The following RNF13 variants were observed in gnomAD, a reference collection of about 807,000 sequenced individuals.
RNF13 encodes ring finger protein 13, also known as E3 ubiquitin-protein ligase RNF13.
A neutral mutation model predicts 37.7 loss-of-function variants in RNF13; 19 were observed. The ratio of observed to expected loss-of-function variants is 0.50; its 90% CI spans 0.35 to 0.74. The LOEUF (loss-of-function observed/expected upper bound fraction) is 0.74. RNF13 is among the 30% of genes least tolerant of loss of function. The probability of loss-of-function intolerance (pLI) is 0.01; values close to 1 mark genes in which losing one functional copy is unlikely to be tolerated. For synonymous variants in RNF13, 144 were observed against 157.8 expected (o/e 0.91, Z 0.65); for missense variants, 375 against 453.0 (o/e 0.83, Z 1.56).
At chr3:149,939,865 C>G in intron 8 of RNF13, 1 of 451,992 alleles carries the variant, frequency 2.2e-6, no homozygotes, top group South Asian at 1.9e-5. Flanking sequence ...CTCCAGAGAA[C>G]AGCCGCGCAG....
chr3:149,960,566 T>G (rs995885712), intron 9 of RNF13, among the ~76,000 whole-genome samples, 174 bp from the exon 10 acceptor site: 1 of 151,900 alleles, frequency 6.6e-6, no homozygotes, highest in African/African-American at 2.4e-5. Context: ...CACTCCAGCC[T>G]GGGTGACAGA....
At position 149,846,110 on chromosome 3, in the gene RNF13, C is replaced by CCTA; in HGVS notation, c.87_89dup (p.Leu30dup). 6.2e-7 allele frequency: 1 copy of CCTA among 1,612,700 alleles called. No individual in the cohort carries two copies. Among genetic ancestry groups the CCTA allele is most frequent in the Non-Finnish European group, 8.5e-7 (1 of 1,179,058 alleles). ...CTGTCCAGCTCTTTGCATTCTTAAA[C>CCTA]CTACTGCCTGTAGAAGCAGACATTT... On this transcript the variant is annotated inframe_insertion, in exon 2 of 10. Coordinates refer to ENST00000392894, the MANE Select transcript of RNF13 (RefSeq NM_183381.3).
At chr3:149,854,528 GT>G (rs1218809895) in intron 3 of RNF13, among the ~76,000 whole-genome samples, 1 of 152,168 alleles carries the variant, frequency 6.6e-6, no homozygotes, top group East Asian at 1.9e-4. Flanking sequence ...GCTCTAGCTA[GT>G]TTTACCCAGA....
intron 5 of RNF13, among the ~76,000 whole-genome samples, chr3:149,898,122 A>G (rs889160506): frequency 1.3e-5 from 2 of 152,188 alleles, no homozygotes; most frequent in Non-Finnish European, 2.9e-5. Flanking sequence ...AATAATTTTG[A>G]TAATTATTTG....
intron 8 of RNF13, among the ~76,000 whole-genome samples, chr3:149,948,919 T>C (rs1721037090): frequency 6.6e-6 from 1 of 152,034 alleles, no homozygotes; most frequent in Non-Finnish European, 1.5e-5. Flanking sequence ...TCCCAACTAC[T>C]TGGGGGACTG....
intron 1 of RNF13, among the ~76,000 whole-genome samples, chr3:149,830,002 C>G (rs1482499235): frequency 6.7e-6 from 1 of 149,952 alleles, no homozygotes; most frequent in African/African-American, 2.5e-5. Flanking sequence ...GCCTTTGCTT[C>G]TCCTTTGCCT....
At chr3:149,837,255 A>G (rs550058759) in intron 1 of RNF13, among the ~76,000 whole-genome samples, 1 of 152,350 alleles carries the variant, frequency 6.6e-6, no homozygotes, top group African/African-American at 2.4e-5. Flanking sequence ...TCTCAAACAT[A>G]TAGAAAAGCA....
intron 1 of RNF13, among the ~76,000 whole-genome samples, chr3:149,823,404 A>G (rs768933098): frequency 3.3e-5 from 5 of 152,174 alleles, no homozygotes; most frequent in Non-Finnish European, 5.9e-5. Flanking sequence ...AAAAAAGGAG[A>G]ATCGATACAA....
chr3:149,918,725 CTCTG>C (rs1219883233), intron 7 of RNF13, among the ~76,000 whole-genome samples: 1 of 148,072 alleles, frequency 6.8e-6, no homozygotes, highest in Non-Finnish European at 1.5e-5. Context: ...GATGGGGCCT[CTCTG>C]TGTTGCTTAG....
chr3:149,854,345 A>G (rs1723437177), intron 3 of RNF13, among the ~76,000 whole-genome samples: 1 of 152,192 alleles, frequency 6.6e-6, no homozygotes, highest in African/African-American at 2.4e-5. Flanking sequence ...TAGCAGTCAC[A>G]CTTCCCTCTT....
chr3:149,947,561 C>T (rs555777578), intron 8 of RNF13, among the ~76,000 whole-genome samples: 3 of 152,142 alleles, frequency 2.0e-5, no homozygotes, highest in Admixed American at 1.3e-4. Flanking sequence ...CCTGCCACTA[C>T]ACCCAGGTAC....
chr3:149,822,965 A>C (rs900694487), intron 1 of RNF13, among the ~76,000 whole-genome samples: 2 of 152,092 alleles, frequency 1.3e-5, no homozygotes, highest in Non-Finnish European at 2.9e-5. Flanking sequence ...AATAGCCTTA[A>C]AATTTCATTA....
At position 149,961,201 on chromosome 3, in the gene RNF13, T is replaced by G; in HGVS notation, c.*97T>G. On this transcript the variant is annotated 3_prime_UTR_variant, in exon 10 of 10. Transcript: ENST00000392894. ...CTTCAAAGATTTCTGTAGAAATAACTTATTTTTTAGTATTCTACAGTTTAA... is the reference window on the plus strand; with the variant it reads ...CTTCAAAGATTTCTGTAGAAATAACGTATTTTTTAGTATTCTACAGTTTAA... The G allele has an allele frequency of 8.8e-7, 1 of 1,131,602 alleles. No homozygotes were observed. The highest frequency in any genetic ancestry group is 2.4e-5 in the East Asian group (1 of 42,022). The allele number at this position is 1,131,602 out of a possible 1,614,324, so 70.1% of individuals were successfully genotyped here.
At chr3:149,856,854 T>C (rs1723703898) in intron 3 of RNF13, among the ~76,000 whole-genome samples, 1 of 152,082 alleles carries the variant, frequency 6.6e-6, no homozygotes, top group Admixed American at 6.6e-5. Flanking sequence ...TTCACGCCAT[T>C]CTCCTGCCTC....
intron 8 of RNF13, among the ~76,000 whole-genome samples, chr3:149,940,235 T>G (rs1024675642): frequency 6.6e-6 from 1 of 152,168 alleles, no homozygotes; most frequent in Admixed American, 6.5e-5. Context: ...ATTGTACATT[T>G]ACAACTAATC....
intron 1 of RNF13, among the ~76,000 whole-genome samples, chr3:149,834,520 A>T (rs1175744552): frequency 6.6e-6 from 1 of 152,206 alleles, no homozygotes; most frequent in Non-Finnish European, 1.5e-5. Flanking sequence ...TCTCATATTG[A>T]TATTTGATCC....
chr3:149,818,489 C>T (rs942142598), intron 1 of RNF13, among the ~76,000 whole-genome samples: 1 of 152,118 alleles, frequency 6.6e-6, no homozygotes, highest in African/African-American at 2.4e-5. Flanking sequence ...GCTCAACAAA[C>T]GTAGGTACTC....
rs565779038 is a variant in RNF13, at chr3:149,856,367, C to A, written c.195+3771C>A. ...TCACTATAGTATTATGTCTGTAAAA[C>A]CAATTAAATAAATACGTTAAAAATA... On this transcript the variant is annotated intron_variant, in intron 3 of 9. Coordinates refer to ENST00000392894, the MANE Select transcript of RNF13 (RefSeq NM_183381.3). 1.6e-3 allele frequency among the ~76,000 whole-genome samples: 237 copies of A among 151,234 alleles called. 1 individual carries two copies. Among genetic ancestry groups the A allele is most frequent in the African/African-American group, 5.4e-3 (224 of 41,186 alleles).
chr3:149,911,833 C>T, intron 6 of RNF13, 145 bp from the exon 7 acceptor site: 2 of 594,368 alleles, frequency 3.4e-6, no homozygotes, highest in Non-Finnish European at 5.9e-6. Flanking sequence ...TATTGAAAGT[C>T]ATATTTTAGA....
Sources: gnomAD v4.1 joint callset for allele counts (sites outside exome capture counted in the v4.1 genomes callset) on GRCh38, gnomAD v4.1.1 for gene constraint, MANE v1.5 for transcripts, NCBI Gene and HGNC (gene_info 2026-07-23, HGNC 2026-07-21) for gene names.